The following SPG21 variants were observed in gnomAD, a reference collection of about 807,000 sequenced individuals.
The protein encoded by SPG21 is SPG21 abhydrolase domain containing, maspardin, also known as maspardin.
SPG21 carries 26 observed loss-of-function variants against 38.9 expected under a neutral mutation model. The observed-to-expected ratio is 0.67, with a 90% CI of 0.49 to 0.93. The LOEUF (loss-of-function observed/expected upper bound fraction) is 0.93, where lower values mean the gene tolerates loss of function less well. Ranked by LOEUF, SPG21 falls within the 40% of genes least tolerant of loss-of-function variation. SPG21 has a pLI of 0.00. For missense variants in SPG21, 333 were observed against 376.5 expected (o/e 0.88, Z 0.96); for synonymous variants, 136 against 128.9 (o/e 1.05, Z -0.37).
intron 7 of SPG21, among the ~76,000 whole-genome samples, chr15:64,966,890 C>A (rs2085550267): frequency 8.4e-6 from 1 of 119,588 alleles, no homozygotes; most frequent in African/African-American, 3.3e-5. Context: ...CTGAGTGAGA[C>A]TTTGTCTCAA....
In SPG21 at chr15:64,968,538, G is replaced by A. The variant is rs141577275; in HGVS notation, c.669+717C>T. ...AACCGTTGATTATCAGAGGCCGGGG[G>A]AAGAAAGGGAACAGGAGTTATTGTT... On this transcript the variant is annotated intron_variant, in intron 7 of 8. Transcript: ENST00000204566. Among the ~76,000 whole-genome samples, 628 of 152,216 alleles carry A rather than the reference G, an allele frequency of 4.1e-3. 3 individuals carry two copies. Among genetic ancestry groups the A allele is most frequent in the Non-Finnish European group, 6.6e-3 (448 of 68,020 alleles).
intron 2 of SPG21, among the ~76,000 whole-genome samples, chr15:64,982,142 CTTTTTTT>C (rs56118434): frequency 8.7e-6 from 1 of 114,626 alleles, no homozygotes; most frequent in African/African-American, 3.3e-5. Flanking sequence ...CTTTTCTTTT[CTTTTTTT>C]TTTTTTTTTT....
chr15:64,983,396 A>G, intron 2 of SPG21, 111 bp downstream of exon 2: 1 of 772,814 alleles, frequency 1.3e-6, no homozygotes, highest in South Asian at 1.5e-5. Context: ...CACAGTCATG[A>G]TACTCGGCAG....
intron 3 of SPG21, among the ~76,000 whole-genome samples, chr15:64,976,788 G>A (rs1003115720): frequency 1.3e-5 from 2 of 152,148 alleles, no homozygotes; most frequent in East Asian, 1.9e-4. Flanking sequence ...ATGATATTAC[G>A]TGAGTAACAA....
At position 64,963,368 on chromosome 15, in the gene SPG21, C is replaced by T. The variant is rs927444159; in HGVS notation, c.*252G>A. On this transcript the variant is annotated 3_prime_UTR_variant, in exon 9 of 9. Transcript: ENST00000204566. ...AAGACTTTTGGTAGCAAAATTTGCA[C>T]GGTTCTTAAAATGGGAGTCTTCAAA... The T allele has an allele frequency of 3.2e-5, 14 of 442,948 alleles. No homozygotes were observed. The highest frequency in any genetic ancestry group is 4.5e-5 in the Non-Finnish European group (11 of 245,738). 27.4% of individuals were successfully genotyped at this position (442,948 alleles called of 1,614,324 possible).
chr15:64,968,178 T>C (rs939367656), intron 7 of SPG21, among the ~76,000 whole-genome samples: 6 of 151,724 alleles, frequency 4.0e-5, no homozygotes, highest in African/African-American at 9.7e-5. Flanking sequence ...TGAAACCCCA[T>C]CTCTACAAAA....
At chr15:64,978,169 T>A (rs1281922619) in intron 3 of SPG21, among the ~76,000 whole-genome samples, 1 of 148,208 alleles carries the variant, frequency 6.7e-6, no homozygotes, top group Non-Finnish European at 1.5e-5. Flanking sequence ...ACCAACTGGC[T>A]GGGCGTGGTG....
At chr15:64,974,134 A>G (rs1410559769) in intron 5 of SPG21, among the ~76,000 whole-genome samples, 2 of 152,242 alleles carry the variant, frequency 1.3e-5, no homozygotes, top group Admixed American at 6.5e-5. Context: ...AGTTCATTCA[A>G]TTCTTTCCTT....
At position 64,969,174 on chromosome 15, in the gene SPG21, G is replaced by A. The variant is rs1475040810; in HGVS notation, c.669+81C>T. 21 of 1,020,864 alleles carry A rather than the reference G, an allele frequency of 2.1e-5. No individual in the cohort carries two copies. In the East Asian group the frequency reaches 5.0e-4, roughly 24 times the overall value. The allele number at this position is 1,020,864 out of a possible 1,614,324, so 63.2% of individuals were successfully genotyped here. A position where few individuals can be genotyped will look rare whatever the true frequency, so the allele number is the denominator to read the frequency against. On this transcript the variant is annotated intron_variant, in intron 7 of 8. Coordinates refer to ENST00000204566, the MANE Select transcript of SPG21 (RefSeq NM_016630.7). The stretch of plus-strand genomic sequence containing the variant: ...CAGCATTTGAAGAGGTACATTGAAA[G>A]TTATCAAATAGTTTTATAGGAGATC...
intron 2 of SPG21, among the ~76,000 whole-genome samples, chr15:64,982,013 A>G (rs1409646404): frequency 4.6e-5 from 7 of 152,148 alleles, no homozygotes; most frequent in Non-Finnish European, 8.8e-5. Flanking sequence ...AGATAAATGG[A>G]GCAAGGCAAA....
intron 8 of SPG21, among the ~76,000 whole-genome samples, chr15:64,964,830 C>T (rs961691474): frequency 3.3e-5 from 5 of 152,222 alleles, no homozygotes; most frequent in Admixed American, 6.5e-5. Flanking sequence ...GACGGTTTCA[C>T]CATATTGGCC....
chr15:64,974,415 C>T (rs1479803710), intron 5 of SPG21, among the ~76,000 whole-genome samples, 187 bp downstream of exon 5: 4 of 151,944 alleles, frequency 2.6e-5, no homozygotes, highest in African/African-American at 4.8e-5. Flanking sequence ...ATAAAGGCTG[C>T]AGTAAGCTGT....
chr15:64,966,684 G>C (rs992265478), intron 7 of SPG21, among the ~76,000 whole-genome samples: 1 of 152,094 alleles, frequency 6.6e-6, no homozygotes, highest in Non-Finnish European at 1.5e-5. Flanking sequence ...CAGATCATGA[G>C]GTCAGGAGAT....
At position 64,981,206 on chromosome 15, in the gene SPG21, G is replaced by A. The variant is rs78592257; in HGVS notation, c.64-181C>T. 12,382 of 666,058 alleles carry A rather than the reference G, an allele frequency of 0.019. 1,092 individuals carry two copies. In the African/African-American group the frequency reaches 0.19, roughly 10 times the overall value. The allele number at this position is 666,058 out of a possible 1,614,324, so 41.3% of individuals were successfully genotyped here. On this transcript the variant is annotated intron_variant, in intron 2 of 8. Transcript: ENST00000204566. ...CTCTGATCTCCTTTTCTTTCCTCAG[G>A]GCTAACGTATTCCACAGAACTACTT... is the stretch of plus-strand genomic sequence containing the variant.
intron 3 of SPG21, among the ~76,000 whole-genome samples, chr15:64,979,479 G>C (rs765285507): frequency 6.6e-6 from 1 of 152,168 alleles, no homozygotes; most frequent in Non-Finnish European, 1.5e-5. Context: ...AACATGTCAC[G>C]TGAGGAATGG....
chr15:64,969,655 C>T (rs1332699930), intron 6 of SPG21, among the ~76,000 whole-genome samples: 1 of 151,664 alleles, frequency 6.6e-6, no homozygotes, highest in East Asian at 1.9e-4. Flanking sequence ...AAGCCAATTC[C>T]TACTGCTCAA....
chr15:64,964,441 G>A (rs2085504890), intron 8 of SPG21, among the ~76,000 whole-genome samples: 1 of 152,074 alleles, frequency 6.6e-6, no homozygotes, highest in Non-Finnish European at 1.5e-5. Context: ...TCTATAAGGG[G>A]ATGACAGGAT....
intron 1 of SPG21, among the ~76,000 whole-genome samples, chr15:64,985,944 T>C (rs955430253): frequency 6.6e-6 from 1 of 152,196 alleles, no homozygotes. Flanking sequence ...TTTAGAGAAG[T>C]GTGTTAAAAT....
At chr15:64,968,745 T>A (rs944292250) in intron 7 of SPG21, among the ~76,000 whole-genome samples, 2 of 152,186 alleles carry the variant, frequency 1.3e-5, no homozygotes, top group Non-Finnish European at 2.9e-5. Flanking sequence ...AATTAAACTA[T>A]GGAATTCTTG....
Sources: gnomAD v4.1 joint callset for allele counts (sites outside exome capture counted in the v4.1 genomes callset) on GRCh38, gnomAD v4.1.1 for gene constraint, MANE v1.5 for transcripts, NCBI Gene and HGNC (gene_info 2026-07-23, HGNC 2026-07-21) for gene names.